Variants in SHROOM2 observed in about 807,000 individuals in gnomAD.
SHROOM2 encodes the protein shroom family member 2, also known as protein Shroom2.
SHROOM2 carries 33 observed loss-of-function variants against 75.9 expected under a neutral mutation model. That is an observed-to-expected ratio of 0.43 (90% CI 0.33 to 0.58). The LOEUF (loss-of-function observed/expected upper bound fraction) is 0.58, where lower values mean the gene tolerates loss of function less well. Ranked by LOEUF, SHROOM2 falls within the 20% of genes least tolerant of loss-of-function variation. The pLI is 0.04. For synonymous variants in SHROOM2, 655 were observed against 663.6 expected (o/e 0.99, Z 0.20); for missense variants, 1,434 against 1,461.2 (o/e 0.98, Z 0.30).
At chrX:9,825,391 A>C (rs980196823) in intron 1 of SHROOM2, among the ~76,000 whole-genome samples, 2 of 112,494 alleles carry the variant, frequency 1.8e-5, no homozygotes, top group Non-Finnish European at 3.8e-5. Context: ...CAACAGCATG[A>C]CATTTTAACT....
chrX:9,833,896 G>C (rs1228176736), intron 1 of SHROOM2, among the ~76,000 whole-genome samples: 2 of 111,098 alleles, frequency 1.8e-5, no homozygotes, highest in Non-Finnish European at 3.8e-5. Context: ...ATTTCCCACA[G>C]TGGCCACACG....
At chrX:9,935,937 T>C (rs1478902761) in intron 6 of SHROOM2, among the ~76,000 whole-genome samples, 1 of 110,996 alleles carries the variant, frequency 9.0e-6, no homozygotes, top group Admixed American at 9.6e-5. Context: ...TTGGCTGAGA[T>C]GGCCCTGGTC....
chrX:9,899,285 T>A (rs2084352797), intron 5 of SHROOM2, among the ~76,000 whole-genome samples: 1 of 110,316 alleles, frequency 9.1e-6, no homozygotes, highest in Non-Finnish European at 1.9e-5. Context: ...TAGTATAATC[T>A]TCCCCTTCAT....
intron 3 of SHROOM2, among the ~76,000 whole-genome samples, chrX:9,892,367 A>T (rs1398647817): frequency 9.0e-6 from 1 of 110,785 alleles, no homozygotes; most frequent in Admixed American, 9.6e-5. Flanking sequence ...CCCTAAAGTG[A>T]CAAAAGATGA....
chrX:9,839,056 A>G (rs1256992539), intron 1 of SHROOM2, among the ~76,000 whole-genome samples: 2 of 111,345 alleles, frequency 1.8e-5, no homozygotes, highest in South Asian at 7.6e-4. Context: ...AGCTGGGGGT[A>G]TGAAAGGAAC....
rs1172935190 is a variant in SHROOM2 at position 9,865,257 on chromosome X, T to A, written c.166-8395T>A. ...GCTTAAAACATGGAATTAGGTGGGATTCTCTCCTTAAAAATGTTTACAGAA... is the reference window on the plus strand; with the variant it reads ...GCTTAAAACATGGAATTAGGTGGGAATCTCTCCTTAAAAATGTTTACAGAA... On this transcript the variant is annotated intron_variant, in intron 1 of 9. Coordinates refer to ENST00000380913, the MANE Select transcript of SHROOM2 (RefSeq NM_001649.4). 4 of 112,137 alleles carry A rather than the reference T, an allele frequency of 3.6e-5. No homozygotes were observed. The East Asian group carries it at 1.1e-3, about 31-fold the overall frequency. 9.2% of individuals were successfully genotyped at this position (112,137 alleles called of 1,213,427 possible). A position where few individuals can be genotyped will look rare whatever the true frequency, so the allele number is the denominator to read the frequency against.
At position 9,786,616 on chromosome X, in the gene SHROOM2, G is replaced by T; in HGVS notation, c.71G>T (p.Gly24Val). The T allele has an allele frequency of 1.1e-6, 1 of 880,456 alleles. No homozygotes were observed. Among genetic ancestry groups the T allele is most frequent in the Non-Finnish European group, 1.4e-6 (1 of 719,437 alleles). 72.6% of individuals were successfully genotyped at this position (880,456 alleles called of 1,213,427 possible). A position where few individuals can be genotyped will look rare whatever the true frequency, so the allele number is the denominator to read the frequency against. The change falls in exon 1 of 10, where the codon GGG (glycine) becomes GTG (valine). Residue 24 changes from glycine to valine, a missense_variant. Physicochemically the swap from Gly to Val is moderately radical, Grantham distance 109. This residue lies in a region of SHROOM2 where 1,340 missense variants were observed against 1,338.3 expected (regional missense o/e 1.00). Coordinates refer to ENST00000380913, the MANE Select transcript of SHROOM2 (RefSeq NM_001649.4). ...AEAETRAADG[G>V]RLVEVQLSGG... ...GCCGAGACGCGGGCGGCGGACGGCG[G>T]GCGCCTGGTGGAGGTGCAGCTGAGC...
At chrX:9,899,959 G>A (rs1601978073) in intron 5 of SHROOM2, among the ~76,000 whole-genome samples, 1 of 111,997 alleles carries the variant, frequency 8.9e-6, no homozygotes, top group East Asian at 2.8e-4. Flanking sequence ...ACCCGTGCTG[G>A]TGAGAGTGTA....
intron 3 of SHROOM2, among the ~76,000 whole-genome samples, chrX:9,893,408 T>C (rs1174431081): frequency 2.7e-5 from 3 of 111,886 alleles, no homozygotes; most frequent in African/African-American, 9.7e-5. Flanking sequence ...GGATTTCAGG[T>C]GTGAGCCACC....
intron 2 of SHROOM2, among the ~76,000 whole-genome samples, chrX:9,877,102 T>C (rs1225870994): frequency 1.8e-5 from 2 of 111,806 alleles, no homozygotes; most frequent in African/African-American, 6.5e-5. Context: ...CAGGATAGGA[T>C]TGCGATGGGC....
chrX:9,909,179 G>A (rs182539032), intron 5 of SHROOM2, among the ~76,000 whole-genome samples: 22 of 110,705 alleles, frequency 2.0e-4, no homozygotes, highest in Non-Finnish European at 3.4e-4. Context: ...TAAACCCAGC[G>A]GTGACAACAG....
intron 1 of SHROOM2, among the ~76,000 whole-genome samples, chrX:9,811,405 A>G (rs2083790840): frequency 1.8e-5 from 2 of 112,088 alleles, no homozygotes; most frequent in South Asian, 3.7e-4. Flanking sequence ...GGGTCATCCT[A>G]TCCAGTTGAT....
Position 9,822,925 on chromosome X carries a change from G to T in SHROOM2, c.165+36215G>T, listed in dbSNP as rs191993757. Among the ~76,000 whole-genome samples, 94 of 111,199 alleles carry T rather than the reference G, an allele frequency of 8.5e-4. No homozygotes were observed. The Admixed American group carries it at 9.0e-3, about 11-fold the overall frequency. On this transcript the variant is annotated intron_variant, in intron 1 of 9. Coordinates refer to ENST00000380913, the MANE Select transcript of SHROOM2 (RefSeq NM_001649.4). ...GGGTCTTCAATGCACTGTCCTAACT[G>T]CTTGGGCAGGAAATGAAGCAATTTG...
intron 5 of SHROOM2, among the ~76,000 whole-genome samples, chrX:9,929,967 T>G (rs1289872968): frequency 9.0e-6 from 1 of 111,475 alleles, no homozygotes; most frequent in African/African-American, 3.3e-5. Flanking sequence ...ATGTAAGAAG[T>G]GCCTTTCACC....
intron 7 of SHROOM2, among the ~76,000 whole-genome samples, 200 bp from the exon 8 acceptor site, chrX:9,938,995 G>A (rs1569178879): frequency 8.9e-6 from 1 of 112,199 alleles, no homozygotes; most frequent in East Asian, 2.8e-4. Flanking sequence ...ATACACTTAC[G>A]AGTATCCATT....
At chrX:9,902,842 T>A (rs754871986) in intron 5 of SHROOM2, among the ~76,000 whole-genome samples, 1 of 111,675 alleles carries the variant, frequency 9.0e-6, no homozygotes, top group Non-Finnish European at 1.9e-5. Context: ...CTGTGCCTTC[T>A]TGCAGCCACT....
chrX:9,896,440 C>T lies in SHROOM2; in HGVS notation c.2532C>T (p.Arg844=), dbSNP rs1485869508. 8.3e-7 allele frequency: 1 copy of T among 1,211,839 alleles called. No homozygotes were observed. The highest frequency in any genetic ancestry group is 1.1e-6 in the Non-Finnish European group (1 of 895,485). The change falls in exon 4 of 10, where the codon CGC becomes CGT. Residue 844 remains arginine, a synonymous_variant. Coordinates refer to ENST00000380913, the MANE Select transcript of SHROOM2 (RefSeq NM_001649.4). ...RTCEGTEPWS[R]TTSLGDSLNA... is the part of the protein sequence containing the mutation. Reference sequence around the variant, plus strand: ...GTGAGGGCACGGAGCCCTGGTCGCGCACCACCTCCCTTGGGGACAGCCTCA... The same window carrying T: ...GTGAGGGCACGGAGCCCTGGTCGCGTACCACCTCCCTTGGGGACAGCCTCA...
chrX:9,894,562 C>G lies in SHROOM2; in HGVS notation c.654C>G (p.Ser218Arg). 1.7e-6 allele frequency: 2 copies of G among 1,211,811 alleles called. No individual in the cohort carries two copies. The highest frequency in any genetic ancestry group is 2.2e-6 in the Non-Finnish European group (2 of 895,494). ...ACGGCTCCTTCTCCACCAGCTCTAG[C>G]ACTCCTGACCACACCTTGTCCAAAG... ...SAYGSFSTSS[S>R]TPDHTLSKAD... The change falls in exon 4 of 10, where the codon AGC becomes AGG. Residue 218 changes from serine (S) to arginine (R), a missense_variant. This residue lies in a region of SHROOM2 where 1,340 missense variants were observed against 1,338.3 expected (regional missense o/e 1.00). Transcript: ENST00000380913.
intron 1 of SHROOM2, among the ~76,000 whole-genome samples, chrX:9,857,795 T>C (rs765480126): frequency 9.0e-6 from 1 of 111,014 alleles, no homozygotes; most frequent in African/African-American, 3.3e-5. Context: ...ATTAAACACA[T>C]TGCAAAATTC....
Sources: allele counts gnomAD v4.1 joint callset (sites outside exome capture counted in the v4.1 genomes callset), GRCh38; gene constraint gnomAD v4.1.1; regional missense constraint gnomAD v4.1.1; transcripts MANE v1.5; gene names NCBI Gene and HGNC (gene_info 2026-07-23, HGNC 2026-07-21).